The following PDZD2 variants were observed in gnomAD, a reference collection of about 807,000 sequenced individuals.
The protein encoded by PDZD2 is PDZ domain containing 2, also known as PDZ domain-containing protein 2.
Under a neutral mutation model 220.7 loss-of-function variants are expected in PDZD2, and 90 were observed. That is an observed-to-expected ratio of 0.41 (90% confidence interval 0.34 to 0.49). The LOEUF (loss-of-function observed/expected upper bound fraction) is 0.49, where lower values mean the gene tolerates loss of function less well. Among genes scored for constraint, PDZD2 ranks in the 20% least tolerant of loss-of-function variants. The probability of loss-of-function intolerance (pLI) is 0.28; values close to 1 mark genes in which losing one functional copy is unlikely to be tolerated. For synonymous variants in PDZD2, 1,375 were observed against 1,450.5 expected (o/e 0.95, Z 1.18); for missense variants, 3,174 against 3,608.5 (o/e 0.88, Z 3.08).
chr5:31,696,714 A>G (rs747532409), intron 1 of PDZD2, among the ~76,000 whole-genome samples: 2 of 152,026 alleles, frequency 1.3e-5, no homozygotes, highest in Admixed American at 6.6e-5. Context: ...TTCCCTAGAA[A>G]CCTGTCCTTT....
chr5:31,903,291 C>T lies in PDZD2; in HGVS notation c.477-79864C>T, dbSNP rs544173913. On this transcript the variant is annotated intron_variant, in intron 2 of 24. Coordinates refer to ENST00000438447, the MANE Select transcript of PDZD2 (RefSeq NM_178140.4). The stretch of plus-strand genomic sequence containing the variant: ...CCTGGGCAACAAAGTGAGACTCCAT[C>T]TCAAAAAAAAATAAAATTAAAATTA... Among the ~76,000 whole-genome samples, 920 of 150,188 alleles carry T rather than the reference C, an allele frequency of 6.1e-3. 17 individuals are homozygous for T. Among genetic ancestry groups the T allele is most frequent in the African/African-American group, 0.022 (897 of 41,122 alleles).
rs1014333190 is a variant in PDZD2 at position 31,639,191 on chromosome 5, C to T, written c.-607C>T. On this transcript the variant is annotated 5_prime_UTR_variant, in exon 1 of 25. Coordinates refer to ENST00000438447, the MANE Select transcript of PDZD2 (RefSeq NM_178140.4). This position sits in a 1 kb window ranked among gnomAD's most constrained non-coding sequence, Gnocchi z 4.1. ...AGCGGACCCCAGCGCCGGTGCGTGC[C>T]GGCCCCGGGCAGCGGGACGCGGCGG... Among the ~76,000 whole-genome samples, 1 of 151,954 alleles carries T rather than the reference C, an allele frequency of 6.6e-6. No individual in the cohort carries two copies. Among genetic ancestry groups the T allele is most frequent in the Non-Finnish European group, 1.5e-5 (1 of 67,926 alleles).
intron 2 of PDZD2, among the ~76,000 whole-genome samples, chr5:31,929,469 T>C (rs1745062587): frequency 6.6e-6 from 1 of 152,244 alleles, no homozygotes; most frequent in Non-Finnish European, 1.5e-5. Context: ...TTAAAATATC[T>C]GCGGACAGTG....
intron 1 of PDZD2, among the ~76,000 whole-genome samples, chr5:31,743,789 A>G (rs1561424450): frequency 6.6e-6 from 1 of 152,092 alleles, no homozygotes; most frequent in Non-Finnish European, 1.5e-5. Flanking sequence ...TGCCTCAGAT[A>G]TGAAAGAAAT....
chr5:31,659,168 T>C (rs550160179), intron 1 of PDZD2, among the ~76,000 whole-genome samples: 1 of 152,176 alleles, frequency 6.6e-6, no homozygotes, highest in African/African-American at 2.4e-5. Flanking sequence ...TTAATCTCAG[T>C]CTCTCTGAGC....
chr5:32,021,701 G>A lies in PDZD2; in HGVS notation c.1407+11219G>A, dbSNP rs146008694. On this transcript the variant is annotated intron_variant, in intron 6 of 24. Transcript: ENST00000438447. ...ACATTTTAGCACTTAAAATCAGAAC[G>A]TCAGCTCCCGGTTTGTTAATGGGCA... 2.2e-3 allele frequency among the ~76,000 whole-genome samples: 341 copies of A among 152,290 alleles called. 3 individuals are homozygous for A. Among genetic ancestry groups the A allele is most frequent in the African/African-American group, 8.0e-3 (332 of 41,562 alleles).
chr5:31,969,531 A>AAAAAAAAAAAAAC (rs1749095050), intron 2 of PDZD2, among the ~76,000 whole-genome samples: 1 of 145,542 alleles, frequency 6.9e-6, no homozygotes. Context: ...AAAAAAAAAA[A>AAAAAAAAAAAAAC]AAAACAATGG....
intron 6 of PDZD2, among the ~76,000 whole-genome samples, chr5:32,036,625 C>G (rs1755578555): frequency 6.6e-6 from 1 of 152,196 alleles, no homozygotes; most frequent in African/African-American, 2.4e-5. Flanking sequence ...CATGTCGACG[C>G]CTCCAGGGTG....
intron 1 of PDZD2, among the ~76,000 whole-genome samples, chr5:31,755,742 G>C (rs973928524): frequency 2.0e-5 from 3 of 151,452 alleles, no homozygotes; most frequent in African/African-American, 7.3e-5. Context: ...AACAAAATTT[G>C]CTCATCTCTC....
intron 14 of PDZD2, among the ~76,000 whole-genome samples, chr5:32,068,302 C>T (rs373785290): frequency 1.3e-5 from 2 of 152,144 alleles, no homozygotes; most frequent in East Asian, 1.9e-4. Context: ...TAAAGACATA[C>T]AACAACTAGA....
rs1752761053 is a variant in PDZD2, at chr5:32,005,927, C to G, written c.1255-4403C>G. Among the ~76,000 whole-genome samples, 7 of 152,196 alleles carry G rather than the reference C, an allele frequency of 4.6e-5. 1 individual carries two copies. In the South Asian group the frequency reaches 1.5e-3, roughly 32 times the overall value. On this transcript the variant is annotated intron_variant, in intron 5 of 24. Coordinates refer to ENST00000438447, the MANE Select transcript of PDZD2 (RefSeq NM_178140.4). ...ATTTGGGAGGCCAAGGTGGGCAGAT[C>G]ACTTGAGGTCAGGATTCGAGACCAG...
At chr5:31,718,190 GGTGA>G (rs1398634773) in intron 1 of PDZD2, among the ~76,000 whole-genome samples, 1 of 152,210 alleles carries the variant, frequency 6.6e-6, no homozygotes, top group Non-Finnish European at 1.5e-5. Flanking sequence ...CAGTGGGGTT[GGTGA>G]GTTGGGAATC....
In PDZD2 at chr5:31,799,492, A is replaced by G; in HGVS notation, c.244A>G (p.Thr82Ala). Residue 82 changes from threonine (T) to alanine (A), a missense_variant, in exon 2 of 25, where the codon ACT becomes GCT. Thr to Ala is a moderately conservative substitution (Grantham distance 58). Coordinates refer to ENST00000438447, the MANE Select transcript of PDZD2 (RefSeq NM_178140.4). ...CACCAAGGAGCTGGGGGACACAGAG[A>G]CTGTGGGCCTGAGTTTTGGGAACAT... ...YLTKELGDTE[T>A]VGLSFGNIPV... 1 of 1,614,180 alleles carries G rather than the reference A, an allele frequency of 6.2e-7. No homozygotes were observed. Among genetic ancestry groups the G allele is most frequent in the Non-Finnish European group, 8.5e-7 (1 of 1,180,030 alleles).
At chr5:32,045,052 T>C (rs992107064) in intron 7 of PDZD2, among the ~76,000 whole-genome samples, 2 of 152,262 alleles carry the variant, frequency 1.3e-5, no homozygotes, top group Non-Finnish European at 2.9e-5. Flanking sequence ...CATATCAGCA[T>C]AGATGCTACT....
chr5:31,872,142 G>GGTGTGTGTGT (rs55806241), intron 2 of PDZD2, among the ~76,000 whole-genome samples: 10,636 of 147,686 alleles, frequency 0.072, 424 homozygotes, highest in African/African-American at 0.088. Context: ...TAAGGTGAGT[G>GGTGTGTGTGT]GTGTGTGTGT....
chr5:32,091,027 G>A lies in PDZD2; in HGVS notation c.7579G>A (p.Gly2527Arg), dbSNP rs1276740433. 1 of 1,613,742 alleles carries A rather than the reference G, an allele frequency of 6.2e-7. No homozygotes were observed. Among genetic ancestry groups the A allele is most frequent in the African/African-American group, 1.3e-5 (1 of 74,894 alleles). Residue 2527 changes from glycine to arginine, a missense_variant, in exon 20 of 25, where the codon GGA becomes AGA. By Grantham distance (125) the Gly-to-Arg change is moderately radical. Around this residue, in one of 4 missense-constraint regions of PDZD2, gnomAD observed 631 missense variants for 789.9 expected, o/e 0.80. Coordinates refer to ENST00000438447, the MANE Select transcript of PDZD2 (RefSeq NM_178140.4). Reference protein sequence around the residue: ...TPRRSPGPPAGGVSCPEKGGN... With the variant: ...TPRRSPGPPARGVSCPEKGGN... ...CAGGAGGTCACCTGGCCCTCCTGCT[G>A]GAGGCGTTTCGTGTCCCGAGAAGGG...
intron 2 of PDZD2, among the ~76,000 whole-genome samples, chr5:31,947,338 T>C (rs528115342): frequency 7.9e-5 from 12 of 152,212 alleles, no homozygotes; most frequent in Non-Finnish European, 1.6e-4. Flanking sequence ...AAATTTAACC[T>C]GAGCATCCTT....
In PDZD2 at chr5:32,052,646, A is replaced by G; in HGVS notation, c.1701A>G (p.Leu567=). 6.2e-7 allele frequency: 1 copy of G among 1,613,462 alleles called. No individual in the cohort carries two copies. The highest frequency in any genetic ancestry group is 8.5e-7 in the Non-Finnish European group (1 of 1,179,356). The change falls in exon 9 of 25, where the codon TTA becomes TTG. Residue 567 remains leucine (L), a synonymous_variant. Transcript: ENST00000438447. ...TTGTGAAGAAGTCTACCCGCTCCTT[A>G]AGCACGACTCAGGTGGAATCTCCTT... is the stretch of plus-strand genomic sequence containing the variant. ...YHIVKKSTRS[L]STTQVESPWR...
intron 12 of PDZD2, 142 bp from the exon 13 acceptor site, chr5:32,059,097 T>C (rs1739422749): frequency 5.2e-6 from 3 of 580,972 alleles, no homozygotes; most frequent in African/African-American, 3.8e-5. Flanking sequence ...AAGGAAAAGC[T>C]GGATTTACAT....
Sources: gnomAD v4.1 joint callset for allele counts (sites outside exome capture counted in the v4.1 genomes callset) on GRCh38, gnomAD v4.1.1 for gene constraint, gnomAD v4.1.1 regional missense constraint, Gnocchi (gnomAD v3.1) non-coding constraint, MANE v1.5 for transcripts, NCBI Gene and HGNC (gene_info 2026-07-23, HGNC 2026-07-21) for gene names.